Variants in PPARGC1A observed in about 807,000 individuals in gnomAD.
PPARGC1A encodes the protein peroxisome proliferator-activated receptor gamma coactivator 1-alpha.
In PPARGC1A, 25 loss-of-function variants were observed where a neutral mutation model predicts 88.7. The observed-to-expected ratio is 0.28, with a 90% CI of 0.21 to 0.39. The LOEUF (loss-of-function observed/expected upper bound fraction) is 0.39. PPARGC1A is among the 10% of genes least tolerant of loss of function. The pLI, the probability that PPARGC1A is intolerant of heterozygous loss-of-function variation, is 1.00. For missense variants in PPARGC1A, 880 were observed against 968.7 expected (o/e 0.91, Z 1.22); for synonymous variants, 363 against 355.6 (o/e 1.02, Z -0.24).
At chr4:23,970,078 C>T in the PPARGC1A span, among the ~76,000 whole-genome samples, 7 of 152,172 alleles carry the variant, frequency 4.6e-5, no homozygotes, top group African/African-American at 1.7e-4. Context: ...ATGACTACCC[C>T]ATCCCTGATT....
the PPARGC1A span, among the ~76,000 whole-genome samples, chr4:23,925,588 C>T: frequency 0.022 from 3,341 of 151,982 alleles, 123 homozygotes; most frequent in African/African-American, 0.076. Flanking sequence ...GTGAAGGAGA[C>T]GTATTTTGAG....
chr4:24,022,099 A>G, the PPARGC1A span, among the ~76,000 whole-genome samples: 1 of 152,150 alleles, frequency 6.6e-6, no homozygotes, highest in Non-Finnish European at 1.5e-5. Flanking sequence ...GCTGCAAAGG[A>G]GAATGAGAGG....
intron 7 of PPARGC1A, among the ~76,000 whole-genome samples, chr4:23,821,492 C>A (rs1022369965): frequency 5.9e-5 from 9 of 151,486 alleles, no homozygotes; most frequent in African/African-American, 1.7e-4. Context: ...GGGGGAGGCA[C>A]AGAAAAAGAA....
the PPARGC1A span, among the ~76,000 whole-genome samples, chr4:24,193,939 G>A: frequency 6.6e-6 from 1 of 152,062 alleles, no homozygotes; most frequent in African/African-American, 2.4e-5. Flanking sequence ...GACCAGCCTG[G>A]CCAACATGGT....
At chr4:24,216,142 CTTTTTTT>C in the PPARGC1A span, among the ~76,000 whole-genome samples, 2 of 83,220 alleles carry the variant, frequency 2.4e-5, no homozygotes, top group Non-Finnish European at 4.8e-5. Flanking sequence ...GCAGCTAACT[CTTTTTTT>C]TTTTTTTTTT....
At chr4:23,999,559 A>C in the PPARGC1A span, among the ~76,000 whole-genome samples, 1 of 152,190 alleles carries the variant, frequency 6.6e-6, no homozygotes, top group Non-Finnish European at 1.5e-5. Context: ...CGAAGAAACA[A>C]GAATGGAGAG....
the PPARGC1A span, among the ~76,000 whole-genome samples, chr4:23,933,972 G>A: frequency 6.6e-6 from 1 of 152,214 alleles, no homozygotes; most frequent in Non-Finnish European, 1.5e-5. Context: ...GGGGAAAGGT[G>A]AATACACTGG....
chr4:24,077,500 A>C, the PPARGC1A span, among the ~76,000 whole-genome samples: 1 of 151,876 alleles, frequency 6.6e-6, no homozygotes, highest in Non-Finnish European at 1.5e-5. Context: ...CCTAGCTCCA[A>C]GTAGTGTTTT....
chr4:24,220,254 A>G, the PPARGC1A span, among the ~76,000 whole-genome samples: 3 of 152,240 alleles, frequency 2.0e-5, no homozygotes, highest in Non-Finnish European at 2.9e-5. Context: ...GAGAAAAGGG[A>G]ATGCTTATAC....
the PPARGC1A span, among the ~76,000 whole-genome samples, chr4:24,125,918 T>C: frequency 1.3e-5 from 2 of 152,204 alleles, no homozygotes; most frequent in African/African-American, 4.8e-5. Context: ...CTTCTATGAC[T>C]TAAAACCAAA....
chr4:24,239,150 C>T, the PPARGC1A span, among the ~76,000 whole-genome samples: 2 of 152,108 alleles, frequency 1.3e-5, no homozygotes, highest in Non-Finnish European at 2.9e-5. Context: ...TCAACTTAGT[C>T]TAATTTTTTT....
chr4:24,156,613 A>G, the PPARGC1A span, among the ~76,000 whole-genome samples: 1 of 152,210 alleles, frequency 6.6e-6, no homozygotes, highest in Non-Finnish European at 1.5e-5. Context: ...TTCTCCATAA[A>G]TTCAAAATGT....
chr4:23,970,615 G>A, the PPARGC1A span, among the ~76,000 whole-genome samples: 5 of 152,212 alleles, frequency 3.3e-5, no homozygotes, highest in Non-Finnish European at 7.3e-5. Flanking sequence ...GACCCTTGGA[G>A]AACAGTGGAT....
the PPARGC1A span, among the ~76,000 whole-genome samples, chr4:24,000,416 A>G: frequency 1.3e-5 from 2 of 152,206 alleles, no homozygotes; most frequent in Non-Finnish European, 2.9e-5. Flanking sequence ...CAACTCAGAA[A>G]AAAGTACAAA....
chr4:24,035,951 GC>G, the PPARGC1A span, among the ~76,000 whole-genome samples: 1 of 152,140 alleles, frequency 6.6e-6, no homozygotes, highest in Admixed American at 6.5e-5. Context: ...CCAGAGAATA[GC>G]TACGTGTTTA....
chr4:23,849,076 A>G lies in PPARGC1A; in HGVS notation c.235-17325T>C, dbSNP rs375480316. ...GGAGAATGGCATGAACCCGGGAGGC[A>G]GAGCTTGCAGTGAGCCGAGATTGCC... is the stretch of plus-strand genomic sequence containing the variant. On this transcript the variant is annotated intron_variant, in intron 2 of 12. Transcript: ENST00000264867. Among the ~76,000 whole-genome samples the G allele has an allele frequency of 3.9e-5, 6 of 152,222 alleles. No individual in the cohort carries two copies. The South Asian group carries it at 1.2e-3, about 32-fold the overall frequency.
In PPARGC1A at chr4:23,801,836, A is replaced by T; in HGVS notation, c.2187T>A (p.Phe729Leu). 1 of 1,614,044 alleles carries T rather than the reference A, an allele frequency of 6.2e-7. No individual in the cohort carries two copies. The change falls in exon 12 of 13, where the codon TTT becomes TTA. Residue 729 changes from phenylalanine (F) to leucine (L), a missense_variant. Coordinates refer to ENST00000264867, the MANE Select transcript of PPARGC1A (RefSeq NM_013261.5). The part of the protein sequence containing the change: ...FITYRYTCDA[F>L]AALENGYTLR... ...AAGTGTATCCATTTTCAAGAGCAGC[A>T]AAAGCATCACAGGTATAACGGTAGG...
At chr4:23,932,607 A>T in the PPARGC1A span, among the ~76,000 whole-genome samples, 1 of 152,292 alleles carries the variant, frequency 6.6e-6, no homozygotes, top group South Asian at 2.1e-4. Flanking sequence ...GTGTTTTTTT[A>T]AAAAAATAAA....
chr4:23,901,606 T>A (rs1374924701), upstream of PPARGC1A, among the ~76,000 whole-genome samples: 1 of 150,902 alleles, frequency 6.6e-6, no homozygotes, highest in Admixed American at 6.6e-5. Context: ...GCATGAAAAC[T>A]GACAAGACAG....
Sources: allele counts gnomAD v4.1 joint callset (sites outside exome capture counted in the v4.1 genomes callset), GRCh38; gene constraint gnomAD v4.1.1; transcripts MANE v1.5; gene names NCBI Gene and HGNC (gene_info 2026-07-23, HGNC 2026-07-21).